Variants in TAFA2 observed in about 807,000 individuals in gnomAD.
TAFA2 encodes chemokine-like protein TAFA-2.
In TAFA2, 7 loss-of-function variants were observed where a neutral mutation model predicts 18.8. That is an observed-to-expected ratio of 0.37 (90% CI 0.21 to 0.70). The LOEUF is 0.70. Ranked by LOEUF, TAFA2 falls within the 30% of genes least tolerant of loss-of-function variation. The pLI is 0.53. For missense variants in TAFA2, 122 were observed against 158.1 expected (o/e 0.77, Z 1.23); for synonymous variants, 60 against 54.2 (o/e 1.11, Z -0.47).
At chr12:61,748,166 A>AAG (rs1263053683) in intron 4 of TAFA2, among the ~76,000 whole-genome samples, 2 of 151,990 alleles carry the variant, frequency 1.3e-5, no homozygotes, top group African/African-American at 4.8e-5. Context: ...GGAGAGAGGG[A>AAG]GGGAAGATAA....
At position 62,061,388 on chromosome 12, in the gene TAFA2, G is replaced by A. The variant is rs571913672; in HGVS notation, c.-2+129871C>T. Among the ~76,000 whole-genome samples the A allele has an allele frequency of 2.0e-5, 3 of 152,326 alleles. No individual in the cohort carries two copies. In the South Asian group the frequency reaches 6.2e-4, roughly 32 times the overall value. ...GTACAGTAACATGATGTACATGTGTGTAGCCTAGGAGCAACAGACTATACC... is the reference window on the plus strand; with the variant it reads ...GTACAGTAACATGATGTACATGTGTATAGCCTAGGAGCAACAGACTATACC... On this transcript the variant is annotated intron_variant, in intron 1 of 4. Coordinates refer to ENST00000416284, the MANE Select transcript of TAFA2 (RefSeq NM_178539.5).
At position 61,851,206 on chromosome 12, in the gene TAFA2, G is replaced by A. The variant is rs1353789096; in HGVS notation, c.106+16114C>T. Among the ~76,000 whole-genome samples the A allele has an allele frequency of 2.0e-5, 3 of 152,098 alleles. No homozygotes were observed. In the East Asian group the frequency reaches 5.8e-4, roughly 29 times the overall value. ...TGATGAGATGTAAAGAGTGCAAGGG[G>A]CCATGGGACCATATAACAGGGAAAC... On this transcript the variant is annotated intron_variant, in intron 2 of 4. Transcript: ENST00000416284.
At chr12:61,812,550 A>C (rs148332184) in intron 2 of TAFA2, among the ~76,000 whole-genome samples, 1 of 151,216 alleles carries the variant, frequency 6.6e-6, no homozygotes, top group Non-Finnish European at 1.5e-5. Context: ...CATGAACAAT[A>C]AAATTATATA....
At chr12:61,864,930 C>G (rs1434922910) in intron 2 of TAFA2, among the ~76,000 whole-genome samples, 2 of 152,012 alleles carry the variant, frequency 1.3e-5, no homozygotes, top group African/African-American at 2.4e-5. Flanking sequence ...AAACTGATAT[C>G]TTACTAATTA....
At chr12:61,914,078 A>G (rs1876720545) in intron 1 of TAFA2, among the ~76,000 whole-genome samples, 1 of 152,166 alleles carries the variant, frequency 6.6e-6, no homozygotes, top group Non-Finnish European at 1.5e-5. Flanking sequence ...ACTTTGCTGG[A>G]GTTAAACTAG....
At chr12:61,799,388 A>T (rs1871313315) in intron 2 of TAFA2, among the ~76,000 whole-genome samples, 1 of 152,220 alleles carries the variant, frequency 6.6e-6, no homozygotes, top group Non-Finnish European at 1.5e-5. Context: ...GATAAAAATG[A>T]TGAGAGGGGA....
At chr12:61,725,796 T>C (rs562663026) in intron 4 of TAFA2, among the ~76,000 whole-genome samples, 1 of 152,166 alleles carries the variant, frequency 6.6e-6, no homozygotes, top group South Asian at 2.1e-4. Context: ...GAGGCCATTA[T>C]TCTAAGTGAA....
chr12:61,881,827 G>A (rs1281373941), intron 1 of TAFA2, among the ~76,000 whole-genome samples: 1 of 151,964 alleles, frequency 6.6e-6, no homozygotes, highest in Non-Finnish European at 1.5e-5. Context: ...CAGCCTGGGG[G>A]CCACCAGGGT....
intron 1 of TAFA2, chr12:62,021,770 C>T: frequency 2.7e-6 from 3 of 1,118,900 alleles, no homozygotes; most frequent in South Asian, 2.5e-5. Flanking sequence ...CCTGTCTGAG[C>T]AACACATGGC....
chr12:61,954,707 G>A (rs1280189552), intron 1 of TAFA2, among the ~76,000 whole-genome samples: 4 of 152,052 alleles, frequency 2.6e-5, no homozygotes, highest in Non-Finnish European at 5.9e-5. Flanking sequence ...ATTTTTGTGA[G>A]CTGCTTATTA....
chr12:62,194,325 ACATAC>A (rs1277512547), upstream of TAFA2, among the ~76,000 whole-genome samples: 19 of 952 alleles, frequency 0.02, no homozygotes, highest in Admixed American at 0.057. Context: ...ACACACACAC[ACATAC>A]AAAAAAACAT....
intron 1 of TAFA2, among the ~76,000 whole-genome samples, chr12:62,236,882 CT>C (rs147971011): frequency 2.4e-4 from 36 of 152,174 alleles, no homozygotes; most frequent in African/African-American, 8.7e-4. Flanking sequence ...AGAATCCCAT[CT>C]TTGTTCTTGA....
chr12:61,804,966 C>G (rs1348540886), intron 2 of TAFA2, among the ~76,000 whole-genome samples: 3 of 151,856 alleles, frequency 2.0e-5, no homozygotes, highest in African/African-American at 7.2e-5. Flanking sequence ...TAAAAATAAT[C>G]AAACATACTC....
intron 1 of TAFA2, among the ~76,000 whole-genome samples, chr12:62,164,151 CCTT>C (rs961453000): frequency 5.9e-4 from 89 of 152,128 alleles, no homozygotes; most frequent in African/African-American, 2.0e-3. Flanking sequence ...TGCCATGAAT[CCTT>C]CTGCATAGCG....
chr12:62,038,316 A>G (rs955792894), intron 1 of TAFA2, among the ~76,000 whole-genome samples: 6 of 152,222 alleles, frequency 3.9e-5, no homozygotes, highest in African/African-American at 7.2e-5. Flanking sequence ...CACTATATGT[A>G]TATTAAAATA....
At chr12:62,082,262 C>T (rs951807150) in intron 1 of TAFA2, among the ~76,000 whole-genome samples, 5 of 152,090 alleles carry the variant, frequency 3.3e-5, no homozygotes, top group Non-Finnish European at 7.4e-5. Context: ...CATATGTGTG[C>T]ATGTATCTTT....
intron 1 of TAFA2, among the ~76,000 whole-genome samples, chr12:62,090,345 A>G (rs955860738): frequency 6.6e-6 from 1 of 152,116 alleles, no homozygotes; most frequent in South Asian, 2.1e-4. Context: ...TTACACATCC[A>G]TAATCTAATA....
intron 1 of TAFA2, among the ~76,000 whole-genome samples, chr12:62,232,766 C>A (rs2062817478): frequency 6.6e-6 from 1 of 152,066 alleles, no homozygotes; most frequent in Non-Finnish European, 1.5e-5. Flanking sequence ...CCCGCCTCAG[C>A]CTCCCAAAGT....
intron 4 of TAFA2, among the ~76,000 whole-genome samples, chr12:61,741,814 A>G (rs1372437427): frequency 6.6e-6 from 1 of 152,162 alleles, no homozygotes; most frequent in Non-Finnish European, 1.5e-5. Flanking sequence ...CACATAGAGT[A>G]CATTCGATTT....
Sources: gnomAD v4.1 joint callset for allele counts (sites outside exome capture counted in the v4.1 genomes callset) on GRCh38, gnomAD v4.1.1 for gene constraint, MANE v1.5 for transcripts, NCBI Gene and HGNC (gene_info 2026-07-23, HGNC 2026-07-21) for gene names.